PIGN: variants seen among roughly 807,000 people sequenced by gnomAD.
The protein encoded by PIGN is GPI ethanolamine phosphate transferase 1.
PIGN carries 117 observed loss-of-function variants against 125.4 expected under a neutral mutation model. The ratio of observed to expected loss-of-function variants is 0.93; its 90% CI spans 0.80 to 1.09. The LOEUF is 1.09. PIGN is among the 50% of genes least tolerant of loss of function. The pLI, the probability that PIGN is intolerant of heterozygous loss-of-function variation, is 0.00. For missense variants in PIGN, 1,075 were observed against 1,094.9 expected, an observed-to-expected ratio of 0.98 and a Z score of 0.26; for synonymous variants, 392 against 377.8, an observed-to-expected ratio of 1.04 and a Z score of -0.44.
chr18:62,154,635 G>T lies in PIGN; in HGVS notation c.459C>A (p.His153Gln). Residue 153 changes from histidine (H) to glutamine (Q), a missense_variant, in exon 7 of 31, where the codon CAC (histidine) becomes CAA (glutamine). His to Gln is a conservative substitution (Grantham distance 24, BLOSUM62 0). Around this residue, in one of 3 missense-constraint regions of PIGN, gnomAD observed 915 missense variants for 908.7 expected, o/e 1.01. Coordinates refer to ENST00000640252, the MANE Select transcript of PIGN (RefSeq NM_176787.5). ...PMFAKGASGD[H>Q]VYTYSYDAKR... is the part of the protein sequence containing the mutation. ...TAGCATCATAACTATATGTATAAAC[G>T]TGGTCTCCACTAGCACCTGAAAAGA... 6.5e-7 allele frequency: 1 copy of T among 1,540,150 alleles called. No homozygotes were observed. The highest frequency in any genetic ancestry group is 9.0e-7 in the Non-Finnish European group (1 of 1,116,168).
At chr18:62,132,836 A>C (rs1473061949) in intron 14 of PIGN, among the ~76,000 whole-genome samples, 1 of 151,720 alleles carries the variant, frequency 6.6e-6, no homozygotes, top group African/African-American at 2.4e-5. Context: ...GAATGAAATG[A>C]GGTTACAAGA....
At chr18:62,048,194 T>C (rs2030897576) in intron 30 of PIGN, among the ~76,000 whole-genome samples, 1 of 150,914 alleles carries the variant, frequency 6.6e-6, no homozygotes, top group African/African-American at 2.4e-5. Context: ...ATGAACAGAG[T>C]CTCAGGGACC....
rs375746864 is a variant in PIGN, at chr18:62,113,145, T to C, written c.1423A>G (p.Lys475Glu). The change falls in exon 16 of 31, where the codon AAA becomes GAA. Residue 475 changes from lysine (K) to glutamate (E), a missense_variant. This residue lies in a region of PIGN where 915 missense variants were observed against 908.7 expected (regional missense o/e 1.01). Coordinates refer to ENST00000640252, the MANE Select transcript of PIGN (RefSeq NM_176787.5). ...SHSNLIKGVS[K>E]EVKKPSHLLP... ...TTTTCTAAACGTACCTTCACTTCTT[T>C]ACTAACACCTTTTATAAGGTTGGAA... is the stretch of plus-strand genomic sequence containing the variant. 33 of 1,607,128 alleles carry C rather than the reference T, an allele frequency of 2.1e-5. No individual in the cohort carries two copies. The Admixed American group carries it at 5.6e-4, about 27-fold the overall frequency.
intron 14 of PIGN, among the ~76,000 whole-genome samples, chr18:62,123,189 A>G (rs1330759134): frequency 6.6e-6 from 1 of 152,182 alleles, no homozygotes; most frequent in Non-Finnish European, 1.5e-5. Context: ...CCAGTGAGCC[A>G]TGACTGGGCC....
rs141139877 is a variant in PIGN, at chr18:62,159,003, G to A, written c.222-1195C>T. Among the ~76,000 whole-genome samples, 381 of 152,334 alleles carry A rather than the reference G, an allele frequency of 2.5e-3. 1 individual carries two copies. Among genetic ancestry groups the A allele is most frequent in the African/African-American group, 8.4e-3 (348 of 41,572 alleles). ...GCGGTGGCTCACGCCTGTAATCCCAGCACTTTGGGAAGCTGAGGCAGGTGG... is the reference window on the plus strand; with the variant it reads ...GCGGTGGCTCACGCCTGTAATCCCAACACTTTGGGAAGCTGAGGCAGGTGG... On this transcript the variant is annotated intron_variant, in intron 4 of 30. Coordinates refer to ENST00000640252, the MANE Select transcript of PIGN (RefSeq NM_176787.5).
intron 19 of PIGN, 124 bp downstream of exon 19, chr18:62,106,665 C>T (rs2034651476): frequency 1.5e-6 from 1 of 651,764 alleles, no homozygotes; most frequent in Non-Finnish European, 2.7e-6. Flanking sequence ...ATCAATATGA[C>T]TAGGCTCTTT....
In PIGN at chr18:62,045,278, A is replaced by T. The variant is rs570230095; in HGVS notation, c.*578T>A. The T allele has an allele frequency of 6.6e-6, 1 of 152,204 alleles. No homozygotes were observed. Among genetic ancestry groups the T allele is most frequent in the Non-Finnish European group, 1.5e-5 (1 of 68,040 alleles). 9.4% of individuals were successfully genotyped at this position (152,204 alleles called of 1,614,324 possible). ...TGCATCTAGCTGGTTGACTGAGAAA[A>T]CCTGAGAAATAGCACTAAAAAGGAT... On this transcript the variant is annotated 3_prime_UTR_variant, in exon 31 of 31. Coordinates refer to ENST00000640252, the MANE Select transcript of PIGN (RefSeq NM_176787.5).
intron 14 of PIGN, among the ~76,000 whole-genome samples, chr18:62,118,307 G>C (rs977324587): frequency 6.6e-6 from 1 of 151,898 alleles, no homozygotes; most frequent in Non-Finnish European, 1.5e-5. Flanking sequence ...AAAACACTAA[G>C]ATTTAACCAT....
intron 14 of PIGN, among the ~76,000 whole-genome samples, chr18:62,124,978 TCA>T (rs1268172765): frequency 3.3e-5 from 5 of 151,938 alleles, no homozygotes; most frequent in Non-Finnish European, 7.4e-5. Flanking sequence ...AAAATAAAAA[TCA>T]CTGCCAGAGC....
chr18:62,144,447 A>G (rs1403130331), intron 10 of PIGN, among the ~76,000 whole-genome samples: 2 of 151,940 alleles, frequency 1.3e-5, no homozygotes, highest in African/African-American at 2.4e-5. Flanking sequence ...TACCTCTCCA[A>G]CTCTCAACTC....
At chr18:62,156,098 T>C (rs572283800) in intron 6 of PIGN, among the ~76,000 whole-genome samples, 3 of 152,330 alleles carry the variant, frequency 2.0e-5, no homozygotes, top group African/African-American at 7.2e-5. Context: ...AAGCATTTAA[T>C]GACATGAAAT....
At chr18:62,096,946 G>A (rs2146240906) in intron 22 of PIGN, among the ~76,000 whole-genome samples, 1 of 150,762 alleles carries the variant, frequency 6.6e-6, no homozygotes, top group African/African-American at 2.4e-5. Flanking sequence ...GGACATTTGG[G>A]TTGGTTCCAA....
intron 14 of PIGN, among the ~76,000 whole-genome samples, chr18:62,135,347 A>G (rs968688527): frequency 6.6e-6 from 1 of 151,950 alleles, no homozygotes; most frequent in Non-Finnish European, 1.5e-5. Flanking sequence ...GCAAGTGGTG[A>G]TTTTTAGCCA....
At chr18:62,152,825 C>A (rs926496666) in intron 7 of PIGN, among the ~76,000 whole-genome samples, 1 of 151,344 alleles carries the variant, frequency 6.6e-6, no homozygotes, top group Admixed American at 6.6e-5. Context: ...ACTTAAAATG[C>A]TTAAGACAGT....
intron 22 of PIGN, among the ~76,000 whole-genome samples, chr18:62,098,551 A>G (rs140511391): frequency 1.2e-3 from 182 of 152,314 alleles, no homozygotes; most frequent in Non-Finnish European, 2.1e-3. Flanking sequence ...ATAAAGGGGA[A>G]ATAAGAGTCT....
chr18:62,035,686 C>G (rs1260335076), intron 23 of PIGN, among the ~76,000 whole-genome samples: 2 of 151,934 alleles, frequency 1.3e-5, no homozygotes, highest in Admixed American at 6.6e-5. Context: ...TTCCCCCCAC[C>G]CCACAACAGG....
chr18:62,076,207 A>G (rs2033165263), intron 28 of PIGN, among the ~76,000 whole-genome samples: 1 of 152,236 alleles, frequency 6.6e-6, no homozygotes, highest in Admixed American at 6.5e-5. Flanking sequence ...TGCTGGGATT[A>G]CAGGCATGAG....
intron 28 of PIGN, 47 bp downstream of exon 28, chr18:62,082,626 T>C (rs1204610805): frequency 1.0e-6 from 1 of 967,540 alleles, no homozygotes; most frequent in Non-Finnish European, 1.6e-6. Flanking sequence ...TACTCTCATC[T>C]CCTAAAAATA....
intron 1 of PIGN, chr18:62,186,201 C>A (rs1278552721): frequency 6.6e-6 from 1 of 152,200 alleles, no homozygotes; most frequent in African/African-American, 2.4e-5. Flanking sequence ...CAGGCTTGCG[C>A]CACCACGCCC....
Sources: allele counts gnomAD v4.1 joint callset (sites outside exome capture counted in the v4.1 genomes callset), GRCh38; gene constraint gnomAD v4.1.1; regional missense constraint gnomAD v4.1.1; transcripts MANE v1.5; gene names NCBI Gene and HGNC (gene_info 2026-07-23, HGNC 2026-07-21).